Variants in LRP6 observed in about 807,000 individuals in gnomAD.
LRP6 encodes the protein low-density lipoprotein receptor-related protein 6.
Under a neutral mutation model 184.1 loss-of-function variants are expected in LRP6, and 43 were observed. The observed-to-expected ratio is 0.23, with a 90% confidence interval of 0.18 to 0.30. LRP6 has a LOEUF of 0.30. Among genes scored for constraint, LRP6 ranks in the 10% least tolerant of loss-of-function variants. The pLI is 1.00. For missense variants in LRP6, 1,571 were observed against 2,005.3 expected (o/e 0.78, Z 4.14); for synonymous variants, 719 against 684.9 (o/e 1.05, Z -0.78).
intron 7 of LRP6, among the ~76,000 whole-genome samples, chr12:12,170,841 T>A (rs539157761): frequency 1.7e-4 from 26 of 149,742 alleles, no homozygotes; most frequent in African/African-American, 5.4e-4. Context: ...ACGTCTTAGA[T>A]GAAAAAAACT....
chr12:12,133,953 C>T (rs371504560), intron 17 of LRP6, among the ~76,000 whole-genome samples: 3 of 150,550 alleles, frequency 2.0e-5, no homozygotes, highest in East Asian at 3.9e-4. Context: ...TGTGCAATCC[C>T]TATTTTTAAA....
At chr12:12,132,525 C>T (rs1446645262) in intron 17 of LRP6, among the ~76,000 whole-genome samples, 2 of 151,760 alleles carry the variant, frequency 1.3e-5, no homozygotes, top group East Asian at 3.9e-4. Context: ...GATGTCATTG[C>T]TTTTTTTTGG....
chr12:12,239,692 T>C lies in LRP6; in HGVS notation c.449+4570A>G, dbSNP rs552065803. ...CTTTTTTTTTTTTCATCTCCAGCCA[T>C]ACAGAGGAAGGTATCCTTTTCTTTA... On this transcript the variant is annotated intron_variant, in intron 2 of 22. Coordinates refer to ENST00000261349, the MANE Select transcript of LRP6 (RefSeq NM_002336.3). Among the ~76,000 whole-genome samples, 345 of 151,224 alleles carry C rather than the reference T, an allele frequency of 2.3e-3. 1 individual carries two copies. The highest frequency in any genetic ancestry group is 8.1e-3 in the African/African-American group (334 of 41,310).
At chr12:12,229,288 T>G (rs1445971846) in intron 2 of LRP6, among the ~76,000 whole-genome samples, 1 of 150,104 alleles carries the variant, frequency 6.7e-6, no homozygotes, top group Non-Finnish European at 1.5e-5. Flanking sequence ...GAGAATCGCT[T>G]GAACCCGCAA....
intron 2 of LRP6, among the ~76,000 whole-genome samples, 185 bp from the exon 3 acceptor site, chr12:12,203,585 T>A (rs540356098): frequency 6.6e-6 from 1 of 152,024 alleles, no homozygotes; most frequent in Non-Finnish European, 1.5e-5. Context: ...GCCAACATGG[T>A]AAAAACCCAT....
At chr12:12,237,875 C>G (rs180673798) in intron 2 of LRP6, among the ~76,000 whole-genome samples, 4 of 152,196 alleles carry the variant, frequency 2.6e-5, no homozygotes, top group Admixed American at 2.6e-4. Context: ...ATGGGGAAAA[C>G]GGAGAAATTC....
intron 15 of LRP6, among the ~76,000 whole-genome samples, chr12:12,144,959 T>C (rs930896480): frequency 3.9e-5 from 6 of 152,216 alleles, no homozygotes; most frequent in Non-Finnish European, 8.8e-5. Flanking sequence ...AAATACCTAA[T>C]GTAAATTACT....
chr12:12,198,954 T>C (rs760189152), intron 3 of LRP6, among the ~76,000 whole-genome samples: 13 of 152,136 alleles, frequency 8.5e-5, no homozygotes, highest in Non-Finnish European at 1.3e-4. Context: ...TCCTAAAAGA[T>C]TGACTTTTCC....
intron 2 of LRP6, among the ~76,000 whole-genome samples, chr12:12,203,748 C>T (rs536674987): frequency 2.0e-5 from 3 of 152,096 alleles, no homozygotes; most frequent in Admixed American, 1.3e-4. Flanking sequence ...AGCCTGGCAA[C>T]AGAGCAAGTC....
intron 4 of LRP6, among the ~76,000 whole-genome samples, chr12:12,185,059 C>T (rs1478731383): frequency 6.6e-6 from 1 of 152,128 alleles, no homozygotes; most frequent in African/African-American, 2.4e-5. Context: ...CTTTGGGAGG[C>T]CTAGGTGCGT....
Position 12,162,366 on chromosome 12 carries a change from G to A in LRP6, c.2106C>T (p.Phe702=), listed in dbSNP as rs144453084. The part of the protein sequence containing the change: ...NGSALEHVVE[F]GLDYPEGMAV... ...CCATGCCTTCTGGATAATCTAAGCC[G>A]AATTCTACCACATGTTCCAGTGCAC... The change falls in exon 10 of 23, where the codon TTC becomes TTT. Residue 702 remains phenylalanine, a synonymous_variant. Coordinates refer to ENST00000261349, the MANE Select transcript of LRP6 (RefSeq NM_002336.3). 73 of 1,614,008 alleles carry A rather than the reference G, an allele frequency of 4.5e-5. No individual in the cohort carries two copies. Among genetic ancestry groups the A allele is most frequent in the African/African-American group, 1.6e-4 (12 of 74,896 alleles).
At position 12,127,745 on chromosome 12, in the gene LRP6, T is replaced by C. The variant is rs1246244568; in HGVS notation, c.4082-824A>G. On this transcript the variant is annotated intron_variant, in intron 19 of 22. Transcript: ENST00000261349. The stretch of plus-strand genomic sequence containing the variant: ...CTATTCAGAGGGAAAATTCTTCCAT[T>C]CTGAACAGTTAAATTTTATCTCACA... Among the ~76,000 whole-genome samples, 4 of 152,178 alleles carry C rather than the reference T, an allele frequency of 2.6e-5. No individual in the cohort carries two copies. The East Asian group carries it at 7.7e-4, about 29-fold the overall frequency.
chr12:12,152,542 C>T (rs1950096452), intron 12 of LRP6, among the ~76,000 whole-genome samples: 1 of 152,188 alleles, frequency 6.6e-6, no homozygotes, highest in Non-Finnish European at 1.5e-5. Flanking sequence ...ACCTCAGCCT[C>T]CCAAAGTGCT....
At chr12:12,252,742 G>A (rs1329379160) in intron 1 of LRP6, among the ~76,000 whole-genome samples, 2 of 152,014 alleles carry the variant, frequency 1.3e-5, no homozygotes, top group Non-Finnish European at 2.9e-5. Context: ...ATTTACTTAT[G>A]GAATGCTATT....
At chr12:12,172,051 T>C (rs553045608) in intron 7 of LRP6, among the ~76,000 whole-genome samples, 4 of 152,226 alleles carry the variant, frequency 2.6e-5, no homozygotes, top group Non-Finnish European at 4.4e-5. Context: ...AGATTACACT[T>C]ATGCTTTAAA....
chr12:12,237,437 A>T (rs1372610105), intron 2 of LRP6, among the ~76,000 whole-genome samples: 1 of 152,256 alleles, frequency 6.6e-6, no homozygotes, highest in Non-Finnish European at 1.5e-5. Flanking sequence ...GGCAAAAACC[A>T]TCAAGGAATG....
chr12:12,248,641 C>T (rs1046109552), intron 1 of LRP6, among the ~76,000 whole-genome samples: 2 of 151,862 alleles, frequency 1.3e-5, no homozygotes, highest in Non-Finnish European at 2.9e-5. Context: ...GCCACTACGC[C>T]CAGCTAATTT....
At chr12:12,241,966 T>C (rs906260771) in intron 2 of LRP6, among the ~76,000 whole-genome samples, 16 of 152,208 alleles carry the variant, frequency 1.1e-4, no homozygotes, top group African/African-American at 3.6e-4. Context: ...AAGATACTTA[T>C]CAGACCTGCT....
chr12:12,199,703 T>C (rs1197909421), intron 3 of LRP6, among the ~76,000 whole-genome samples: 3 of 152,060 alleles, frequency 2.0e-5, no homozygotes, highest in Middle Eastern at 3.4e-3. Flanking sequence ...CGGTGGCTCA[T>C]GCCTGTAATT....
Sources: allele counts gnomAD v4.1 joint callset (sites outside exome capture counted in the v4.1 genomes callset), GRCh38; gene constraint gnomAD v4.1.1; transcripts MANE v1.5; gene names NCBI Gene and HGNC (gene_info 2026-07-23, HGNC 2026-07-21).